Variants in MPRIP observed in about 807,000 individuals in gnomAD.
MPRIP encodes myosin phosphatase Rho interacting protein, also known as myosin phosphatase Rho-interacting protein.
In MPRIP, 59 loss-of-function variants were observed where a neutral mutation model predicts 234.9. The observed-to-expected ratio is 0.25, with a 90% CI of 0.20 to 0.31. MPRIP has a LOEUF of 0.31. Among genes scored for constraint, MPRIP ranks in the 10% least tolerant of loss-of-function variants. The probability of loss-of-function intolerance (pLI) is 1.00; values close to 1 mark genes in which losing one functional copy is unlikely to be tolerated. For missense variants in MPRIP, 2,436 were observed against 3,071.0 expected (o/e 0.79, Z 4.89); for synonymous variants, 1,144 against 1,263.9 (o/e 0.91, Z 2.01).
intron 3 of MPRIP, among the ~76,000 whole-genome samples, chr17:17,119,432 C>T (rs1358571070): frequency 6.6e-6 from 1 of 152,172 alleles, no homozygotes; most frequent in Admixed American, 6.5e-5. Flanking sequence ...TTGTTAAGTC[C>T]AGGGAGGAAA....
At chr17:17,072,458 G>A (rs954743203) in intron 1 of MPRIP, among the ~76,000 whole-genome samples, 1 of 152,140 alleles carries the variant, frequency 6.6e-6, no homozygotes, top group East Asian at 1.9e-4. Flanking sequence ...GGGTGGGGGT[G>A]GGGGGCAAGA....
intron 13 of MPRIP, among the ~76,000 whole-genome samples, chr17:17,157,932 C>T (rs1022776300): frequency 6.6e-6 from 1 of 152,204 alleles, no homozygotes; most frequent in African/African-American, 2.4e-5. Context: ...CACCACTGTC[C>T]AGTCCAGGGG....
intron 1 of MPRIP, among the ~76,000 whole-genome samples, chr17:17,067,490 G>C (rs909841049): frequency 6.6e-6 from 1 of 152,126 alleles, no homozygotes; most frequent in Non-Finnish European, 1.5e-5. Flanking sequence ...GGAGCAGGAC[G>C]ATGCAAGATT....
intron 3 of MPRIP, among the ~76,000 whole-genome samples, chr17:17,121,770 C>T (rs2090393831): frequency 6.6e-6 from 1 of 152,164 alleles, no homozygotes; most frequent in South Asian, 2.1e-4. Context: ...GATATTAAGC[C>T]TAATGCCCAT....
intron 23 of MPRIP, chr17:17,180,734 G>A (rs2046357149): frequency 1.6e-5 from 23 of 1,471,848 alleles, no homozygotes; most frequent in Non-Finnish European, 2.2e-5. Context: ...CCTGTGTCAT[G>A]GTTACTTTAT....
chr17:17,152,119 C>T (rs1446885274), intron 12 of MPRIP, among the ~76,000 whole-genome samples: 3 of 152,254 alleles, frequency 2.0e-5, no homozygotes, highest in Non-Finnish European at 4.4e-5. Context: ...TGGCTTCCTG[C>T]GTGCAGGCAT....
intron 23 of MPRIP, among the ~76,000 whole-genome samples, chr17:17,181,263 G>T (rs1194887113): frequency 6.6e-6 from 1 of 152,144 alleles, no homozygotes; most frequent in Non-Finnish European, 1.5e-5. Context: ...GAGAGGAGGT[G>T]GGGGAGGGCC....
Position 17,138,315 on chromosome 17 carries a change from TCAG to T in MPRIP, c.1137_1139del (p.Ile379_Arg380delinsMet). On this transcript the variant is annotated inframe_deletion, in exon 7 of 24. Transcript: ENST00000651222. This position sits in a 1 kb window ranked among gnomAD's most constrained non-coding sequence, Gnocchi z 5.8. ...ACCCTGGCCGACGTCCCTAAGGCCA[TCAG>T]GATCAGCCACCGAGAAGCCTTCCAG... 2.7e-6 allele frequency: 1 copy of T among 376,202 alleles called. No homozygotes were observed. The highest frequency in any genetic ancestry group is 4.7e-6 in the Non-Finnish European group (1 of 212,486). The allele number at this position is 376,202 out of a possible 1,614,324, so 23.3% of individuals were successfully genotyped here. A position where few individuals can be genotyped will look rare whatever the true frequency, so the allele number is the denominator to read the frequency against.
intron 3 of MPRIP, among the ~76,000 whole-genome samples, chr17:17,091,160 C>T (rs1163569240): frequency 1.3e-5 from 2 of 151,970 alleles, no homozygotes; most frequent in African/African-American, 4.8e-5. Flanking sequence ...CCCTGACTTC[C>T]AGTGGGTTTT....
At chr17:17,068,163 T>C (rs1391259562) in intron 1 of MPRIP, among the ~76,000 whole-genome samples, 3 of 152,152 alleles carry the variant, frequency 2.0e-5, no homozygotes, top group Non-Finnish European at 4.4e-5. Context: ...TGTTTTTTGT[T>C]TTTTGAGATG....
intron 3 of MPRIP, among the ~76,000 whole-genome samples, chr17:17,114,674 C>G (rs1028832528): frequency 6.6e-6 from 1 of 151,270 alleles, no homozygotes; most frequent in African/African-American, 2.4e-5. Context: ...TTCCCCAGTT[C>G]CCATGCCTCT....
At chr17:17,063,414 G>C (rs1038856475) in intron 1 of MPRIP, among the ~76,000 whole-genome samples, 1 of 152,226 alleles carries the variant, frequency 6.6e-6, no homozygotes, top group Non-Finnish European at 1.5e-5. Flanking sequence ...TGTTCTTGAA[G>C]GAGGTGTGGG....
intron 4 of MPRIP, among the ~76,000 whole-genome samples, chr17:17,127,317 G>A (rs1200120205): frequency 6.6e-6 from 1 of 152,240 alleles, no homozygotes; most frequent in Non-Finnish European, 1.5e-5. Context: ...AGGTGTCTCA[G>A]TCACATCCCC....
chr17:17,164,345 G>A lies in MPRIP; in HGVS notation c.2754G>A (p.Gln918=). 3 of 1,301,918 alleles carry A rather than the reference G, an allele frequency of 2.3e-6. No homozygotes were observed. The highest frequency in any genetic ancestry group is 2.0e-6 in the Non-Finnish European group (2 of 988,892). 80.6% of individuals were successfully genotyped at this position (1,301,918 alleles called of 1,614,324 possible). ...CCGCTGAGCTAGCCATCAAGGAGCA[G>A]GCGCTGGCCAAGCTCAAGGGCGACC... ...NAAAELAIKE[Q]ALAKLKGDLK... is the part of the protein sequence containing the mutation. Residue 918 remains glutamine, a synonymous_variant, in exon 16 of 24, where the codon CAG becomes CAA. Coordinates refer to ENST00000651222, the MANE Select transcript of MPRIP (RefSeq NM_001364716.4).
intron 1 of MPRIP, among the ~76,000 whole-genome samples, chr17:17,068,799 G>C (rs1384226054): frequency 6.6e-6 from 1 of 152,128 alleles, no homozygotes; most frequent in Non-Finnish European, 1.5e-5. Context: ...ATCCCATAGT[G>C]CTGGGATTAC....
chr17:17,165,351 G>A lies in MPRIP; in HGVS notation c.3760G>A (p.Ala1254Thr). 1.5e-6 allele frequency: 2 copies of A among 1,304,172 alleles called. No homozygotes were observed. Among genetic ancestry groups the A allele is most frequent in the Non-Finnish European group, 2.0e-6 (2 of 988,968 alleles). The allele number at this position is 1,304,172 out of a possible 1,614,324, so 80.8% of individuals were successfully genotyped here. ...AGGCCAACCAGTCCAAGCCACTAGGGCACCTCTAGGCCTCCCACACACAAG... is the reference window on the plus strand; with the variant it reads ...AGGCCAACCAGTCCAAGCCACTAGGACACCTCTAGGCCTCCCACACACAAG... ...LPGQPVQATRAPLGLPHTRLE... is the reference protein window; with the variant it reads ...LPGQPVQATRTPLGLPHTRLE... The change falls in exon 16 of 24, where the codon GCA (alanine) becomes ACA (threonine). Residue 1254 changes from alanine to threonine, a missense_variant. By Grantham distance (58) the Ala-to-Thr change is moderately conservative. Coordinates refer to ENST00000651222, the MANE Select transcript of MPRIP (RefSeq NM_001364716.4).
At chr17:17,151,294 T>C (rs1457499684) in intron 12 of MPRIP, among the ~76,000 whole-genome samples, 2 of 152,158 alleles carry the variant, frequency 1.3e-5, no homozygotes, top group Admixed American at 1.3e-4. Flanking sequence ...AGTTTTATTA[T>C]AGAGAAAGTA....
intron 1 of MPRIP, among the ~76,000 whole-genome samples, chr17:17,067,880 G>A (rs1255030916): frequency 7.0e-6 from 1 of 143,110 alleles, no homozygotes; most frequent in Non-Finnish European, 1.5e-5. Flanking sequence ...AAAACCATCT[G>A]GGCTTGGAGA....
intron 7 of MPRIP, chr17:17,141,511 C>T (rs565930212): frequency 1.0e-4 from 16 of 152,488 alleles, no homozygotes; most frequent in African/African-American, 3.8e-4. Context: ...TGTCTAAGCG[C>T]AGGGAGGAAG....
Sources: gnomAD v4.1 joint callset for allele counts (sites outside exome capture counted in the v4.1 genomes callset) on GRCh38, gnomAD v4.1.1 for gene constraint, Gnocchi (gnomAD v3.1) non-coding constraint, MANE v1.5 for transcripts, NCBI Gene and HGNC (gene_info 2026-07-23, HGNC 2026-07-21) for gene names.